The following GALNT2 variants were observed in gnomAD, a reference collection of about 807,000 sequenced individuals.
GALNT2 encodes the protein polypeptide N-acetylgalactosaminyltransferase 2, also known as UDP-GalNAc:polypeptide N-acetylgalactosaminyltransferase 2.
Under a neutral mutation model 81.4 loss-of-function variants are expected in GALNT2, and 31 were observed. The ratio of observed to expected loss-of-function variants is 0.38; its 90% CI spans 0.29 to 0.51. The LOEUF is 0.51. Ranked by LOEUF, GALNT2 falls within the 20% of genes least tolerant of loss-of-function variation. GALNT2 has a pLI of 0.87. For synonymous variants in GALNT2, 303 were observed against 287.4 expected (o/e 1.05, Z -0.55); for missense variants, 629 against 765.7 (o/e 0.82, Z 2.11).
intron 8 of GALNT2, among the ~76,000 whole-genome samples, chr1:230,247,047 C>T (rs2102745225): frequency 6.6e-6 from 1 of 151,136 alleles, no homozygotes; most frequent in East Asian, 2.0e-4. Context: ...CAAGACCAGC[C>T]TGGGCAACAT....
chr1:230,118,701 C>T (rs1287139596), intron 1 of GALNT2, among the ~76,000 whole-genome samples: 2 of 151,962 alleles, frequency 1.3e-5, no homozygotes, highest in Non-Finnish European at 2.9e-5. Flanking sequence ...TTCTTCCCCG[C>T]GTGGCTCCTC....
chr1:230,102,465 C>T (rs1660429235), intron 1 of GALNT2, among the ~76,000 whole-genome samples: 2 of 152,074 alleles, frequency 1.3e-5, no homozygotes. Flanking sequence ...GGATCATTTC[C>T]TTTTTTAGGT....
At chr1:230,185,975 C>A (rs1317896981) in intron 2 of GALNT2, among the ~76,000 whole-genome samples, 1 of 152,226 alleles carries the variant, frequency 6.6e-6, no homozygotes, top group Non-Finnish European at 1.5e-5. Context: ...CTTGTATTCA[C>A]CTGTCCAATT....
chr1:230,178,721 C>T (rs1337575350), intron 2 of GALNT2, among the ~76,000 whole-genome samples: 1 of 152,068 alleles, frequency 6.6e-6, no homozygotes, highest in Non-Finnish European at 1.5e-5. Context: ...TCAGTATCCC[C>T]CAACAGAGTG....
intron 3 of GALNT2, among the ~76,000 whole-genome samples, chr1:230,219,398 G>A (rs1388375484): frequency 2.0e-5 from 3 of 151,970 alleles, no homozygotes; most frequent in South Asian, 2.1e-4. Flanking sequence ...TGGCGCGTGG[G>A]ACCATGAGCT....
chr1:230,090,764 T>C (rs975277576), intron 1 of GALNT2, among the ~76,000 whole-genome samples: 1 of 152,232 alleles, frequency 6.6e-6, no homozygotes, highest in African/African-American at 2.4e-5. Flanking sequence ...TATTTTCTAG[T>C]GTGTAAATCA....
intron 1 of GALNT2, among the ~76,000 whole-genome samples, chr1:230,142,669 G>A (rs1174370777): frequency 6.6e-6 from 1 of 152,118 alleles, no homozygotes; most frequent in Admixed American, 6.5e-5. Flanking sequence ...GGTGAGTCTG[G>A]AAGTCTAAAG....
At chr1:230,091,650 G>C (rs909256897) in intron 1 of GALNT2, 1 of 152,248 alleles carries the variant, frequency 6.6e-6, no homozygotes, top group African/African-American at 2.4e-5. Context: ...CAGCTGCTTT[G>C]CCAGTGGCTT....
At chr1:230,080,590 C>G (rs987791462) in intron 1 of GALNT2, among the ~76,000 whole-genome samples, 1 of 152,078 alleles carries the variant, frequency 6.6e-6, no homozygotes, top group African/African-American at 2.4e-5. Context: ...GCCCAGGAGG[C>G]TTGTGCATGG....
chr1:230,110,918 C>A (rs1660684256), intron 1 of GALNT2, among the ~76,000 whole-genome samples: 1 of 152,082 alleles, frequency 6.6e-6, no homozygotes, highest in Admixed American at 6.6e-5. Flanking sequence ...GTATGCTCTT[C>A]TCTTTAAGTA....
rs984986655 is a variant in GALNT2, at chr1:230,279,658, C to T, written c.*200C>T. ...GCAAGAAGCGAGAACTGCCCTCCCCCTCCTCTCGGTGCAGCCCAGCCGGGC... is the reference window on the plus strand; with the variant it reads ...GCAAGAAGCGAGAACTGCCCTCCCCTTCCTCTCGGTGCAGCCCAGCCGGGC... On this transcript the variant is annotated 3_prime_UTR_variant, in exon 16 of 16. Transcript: ENST00000366672. This position sits in a 1 kb window ranked among gnomAD's most constrained non-coding sequence, Gnocchi z 4.6. The T allele has an allele frequency of 1.4e-5, 9 of 656,878 alleles. No individual in the cohort carries two copies. Among genetic ancestry groups the T allele is most frequent in the Non-Finnish European group, 2.0e-5 (8 of 391,850 alleles). The allele number at this position is 656,878 out of a possible 1,614,324, so 40.7% of individuals were successfully genotyped here.
rs368790068 is a variant in GALNT2 at position 230,068,112 on chromosome 1, C to T, written c.126+706C>T. 1.1e-4 allele frequency among the ~76,000 whole-genome samples: 17 copies of T among 152,386 alleles called. No individual in the cohort carries two copies. The East Asian group carries it at 3.1e-3, about 28-fold the overall frequency. On this transcript the variant is annotated intron_variant, in intron 1 of 15. Coordinates refer to ENST00000366672, the MANE Select transcript of GALNT2 (RefSeq NM_004481.5). ...TCCCGCGCGAGCCGGACGTGGCCTC[C>T]TGCGCTTGCATTTTCCATCCCCACT...
In GALNT2 at chr1:230,239,966, A is replaced by G. The variant is rs1665149235; in HGVS notation, c.607+3241A>G. On this transcript the variant is annotated intron_variant, in intron 6 of 15. Transcript: ENST00000366672. ...AAATTGCATTTCCATTTCCCTTCCT[A>G]TGTACTATCGTTATCATGCTTTTCT... Among the ~76,000 whole-genome samples the G allele has an allele frequency of 3.3e-5, 5 of 152,158 alleles. No individual in the cohort carries two copies. In the South Asian group the frequency reaches 1.0e-3, roughly 32 times the overall value.
intron 3 of GALNT2, among the ~76,000 whole-genome samples, chr1:230,230,000 A>T (rs937028861): frequency 2.6e-5 from 4 of 152,140 alleles, no homozygotes; most frequent in Non-Finnish European, 5.9e-5. Flanking sequence ...TTTATTTAAA[A>T]TTTTTTTAAT....
intron 8 of GALNT2, 46 bp from the exon 9 acceptor site, chr1:230,249,138 G>T (rs1349732807): frequency 6.5e-7 from 1 of 1,528,602 alleles, no homozygotes; most frequent in South Asian, 1.1e-5. Flanking sequence ...TCGGGAGGAA[G>T]TGGCCAGTCT....
At chr1:230,269,310 C>G (rs1666113008) in intron 14 of GALNT2, among the ~76,000 whole-genome samples, 2 of 151,832 alleles carry the variant, frequency 1.3e-5, no homozygotes, top group African/African-American at 4.8e-5. Context: ...CTCAGCCTCT[C>G]AAGTAGCAGG....
At chr1:230,207,456 A>G (rs1398585672) in intron 3 of GALNT2, among the ~76,000 whole-genome samples, 1 of 152,188 alleles carries the variant, frequency 6.6e-6, no homozygotes, top group African/African-American at 2.4e-5. Flanking sequence ...ACCTTTCTAG[A>G]TGTATATATT....
At chr1:230,182,995 A>T (rs1406424866) in intron 2 of GALNT2, among the ~76,000 whole-genome samples, 1 of 152,234 alleles carries the variant, frequency 6.6e-6, no homozygotes, top group South Asian at 2.1e-4. Context: ...TTAAAAAATC[A>T]TTGTGTAGTT....
intron 3 of GALNT2, among the ~76,000 whole-genome samples, chr1:230,222,934 T>A (rs1664594314): frequency 6.6e-6 from 1 of 152,240 alleles, no homozygotes; most frequent in African/African-American, 2.4e-5. Context: ...TCTTTACTTC[T>A]CATTTCTATG....
Sources: allele counts gnomAD v4.1 joint callset (sites outside exome capture counted in the v4.1 genomes callset), GRCh38; gene constraint gnomAD v4.1.1; non-coding constraint Gnocchi (gnomAD v3.1); transcripts MANE v1.5; gene names NCBI Gene and HGNC (gene_info 2026-07-23, HGNC 2026-07-21).